The following SIRPB2 variants were observed in gnomAD, a reference collection of about 807,000 sequenced individuals.
SIRPB2 encodes the protein signal regulatory protein beta 2.
In SIRPB2, 18 loss-of-function variants were observed where a neutral mutation model predicts 27.1. That is an observed-to-expected ratio of 0.66 (90% confidence interval 0.46 to 0.98). The LOEUF (loss-of-function observed/expected upper bound fraction) is 0.98, where lower values mean the gene tolerates loss of function less well. Ranked by LOEUF, SIRPB2 falls within the 50% of genes least tolerant of loss-of-function variation. SIRPB2 has a pLI of 0.00. For missense variants in SIRPB2, 420 were observed against 417.4 expected, an observed-to-expected ratio of 1.01 and a Z score of -0.06; for synonymous variants, 150 against 164.6, an observed-to-expected ratio of 0.91 and a Z score of 0.68.
chr20:1,489,995 G>A (rs1262370768), intron 1 of SIRPB2, among the ~76,000 whole-genome samples: 1 of 152,172 alleles, frequency 6.6e-6, no homozygotes, highest in Non-Finnish European at 1.5e-5. Flanking sequence ...CCCTGACTCA[G>A]CTTGAGATGC....
intron 1 of SIRPB2, among the ~76,000 whole-genome samples, chr20:1,484,775 G>A (rs1309071905): frequency 6.6e-6 from 1 of 151,916 alleles, no homozygotes; most frequent in African/African-American, 2.4e-5. Flanking sequence ...TTTATACATG[G>A]TTGGTGGGAA....
Position 1,478,567 on chromosome 20 carries a change from G to T in SIRPB2, c.492C>A (p.Pro164=), listed in dbSNP as rs1249388705. 3.7e-6 allele frequency: 6 copies of T among 1,605,524 alleles called. No individual in the cohort carries two copies. The African/African-American group carries it at 8.0e-5, about 21-fold the overall frequency. The change falls in exon 3 of 5, where the codon CCC becomes CCA. Residue 164 remains proline (P), a synonymous_variant. Coordinates refer to ENST00000359801, the MANE Select transcript of SIRPB2 (RefSeq NM_001122962.2). ...DPEPDLWIIQ[P]QELVLGTTGD... ...CAGTGGTCCCCAACACCAATTCCTG[G>T]GGCTGGATGATCCACAGGTCTGGTT...
At chr20:1,480,655 T>G (rs1003402048) in intron 1 of SIRPB2, among the ~76,000 whole-genome samples, 1 of 152,166 alleles carries the variant, frequency 6.6e-6, no homozygotes, top group African/African-American at 2.4e-5. Flanking sequence ...TGGCCGTCTA[T>G]AGGCTGAGGA....
rs2123069280 is a variant in SIRPB2, at chr20:1,491,402, C to T, written c.-43G>A. 1.3e-6 allele frequency: 2 copies of T among 1,565,582 alleles called. No homozygotes were observed. Among genetic ancestry groups the T allele is most frequent in the African/African-American group, 1.4e-5 (1 of 72,968 alleles). ...CCAAGACTTGGGGCTCCTCTGCTCTCTTGTGAGTGTTGGAGTCTGAGGCGG... is the reference window on the plus strand; with the variant it reads ...CCAAGACTTGGGGCTCCTCTGCTCTTTTGTGAGTGTTGGAGTCTGAGGCGG... On this transcript the variant is annotated 5_prime_UTR_variant, in exon 1 of 5. Coordinates refer to ENST00000359801, the MANE Select transcript of SIRPB2 (RefSeq NM_001122962.2).
At chr20:1,481,407 C>T (rs2090669630) in intron 1 of SIRPB2, among the ~76,000 whole-genome samples, 2 of 152,138 alleles carry the variant, frequency 1.3e-5, no homozygotes, top group African/African-American at 2.4e-5. Flanking sequence ...GATATCGTGT[C>T]CAGGATTTGA....
chr20:1,477,273 C>G, intron 4 of SIRPB2, 65 bp downstream of exon 4: 1 of 1,614,140 alleles, frequency 6.2e-7, no homozygotes, highest in Non-Finnish European at 8.5e-7. Context: ...TTCCCATGAC[C>G]AAGCCATTCA....
At position 1,478,272 on chromosome 20, in the gene SIRPB2, C is replaced by CT; in HGVS notation, c.786dup (p.Val263SerfsTer16). 1 of 1,610,342 alleles carries CT rather than the reference C, an allele frequency of 6.2e-7. No homozygotes were observed. Among genetic ancestry groups the CT allele is most frequent in the Non-Finnish European group, 8.5e-7 (1 of 1,176,996 alleles). On this transcript the variant is annotated frameshift_variant, in exon 3 of 5. Coordinates refer to ENST00000359801, the MANE Select transcript of SIRPB2 (RefSeq NM_001122962.2). LOFTEE classifies it high-confidence loss of function. ...CCAAAACCAATTGTCTCACCTTTCA[C>CT]TTTCAGGCTGGTGCCCTGTCCAGAC...
At chr20:1,485,871 ATAT>A (rs1254379941) in intron 1 of SIRPB2, among the ~76,000 whole-genome samples, 2 of 152,116 alleles carry the variant, frequency 1.3e-5, no homozygotes, top group Non-Finnish European at 2.9e-5. Context: ...CAAGTCATAC[ATAT>A]TTGACAAATT....
intron 1 of SIRPB2, 88 bp downstream of exon 1, chr20:1,491,187 G>T: frequency 1.6e-6 from 2 of 1,230,652 alleles, no homozygotes; most frequent in East Asian, 2.6e-5. Flanking sequence ...ATGGGGTCAA[G>T]CTTCTTCAGG....
downstream of SIRPB2, chr20:1,473,909 T>A: frequency 2.2e-6 from 1 of 455,604 alleles, no homozygotes. Context: ...TTTCTCATAT[T>A]TCTGAAGTCC....
At position 1,477,393 on chromosome 20, in the gene SIRPB2, G is replaced by A; in HGVS notation, c.804C>T (p.Thr268=). 1 of 1,612,726 alleles carries A rather than the reference G, an allele frequency of 6.2e-7. No homozygotes were observed. Among genetic ancestry groups the A allele is most frequent in the East Asian group, 2.2e-5 (1 of 44,820 alleles). Residue 268 remains threonine (T), a synonymous_variant, in exon 4 of 5, where the codon ACC becomes ACT. Transcript: ENST00000359801. ...TGGTGAATTCTGCCTCTTTGGAAGAGGTAGATTTTGCTGCAAGGGAGAGAG... is the reference window on the plus strand; with the variant it reads ...TGGTGAATTCTGCCTCTTTGGAAGAAGTAGATTTTGCTGCAAGGGAGAGAG... ...GTSLKVKAKS[T]SSKEAEFTSE... is the part of the protein sequence containing the mutation.
chr20:1,490,847 T>A (rs2090770152), intron 1 of SIRPB2, among the ~76,000 whole-genome samples: 2 of 152,190 alleles, frequency 1.3e-5, no homozygotes, highest in African/African-American at 4.8e-5. Context: ...CTCAATACTT[T>A]TTGAACAAAA....
At chr20:1,488,647 CA>C (rs34434587) in intron 1 of SIRPB2, among the ~76,000 whole-genome samples, 119,555 of 148,400 alleles carry the variant, frequency 0.81, 48,954 homozygotes, top group Non-Finnish European at 0.86. Context: ...GACCCTGTCT[CA>C]AAAAAAAAAA....
rs2090616918 is a variant in SIRPB2 at position 1,477,341 on chromosome 20, T to C, written c.856A>G (p.Thr286Ala). Residue 286 changes from threonine to alanine, a missense_variant, in exon 4 of 5, where the codon ACA (threonine) becomes GCA (alanine). Physicochemically the swap from Thr to Ala is moderately conservative, Grantham distance 58 (BLOSUM62 0). Transcript: ENST00000359801. ...TSEPATEMSPTGLLVVFAPVV... is the reference protein window; with the variant it reads ...TSEPATEMSPAGLLVVFAPVV... Reference sequence around the variant, plus strand: ...CCACTGAGGTGGGTACGCTCACCTGTTGGAGACATCTCAGTTGCAGGTTCA... The same window carrying C: ...CCACTGAGGTGGGTACGCTCACCTGCTGGAGACATCTCAGTTGCAGGTTCA... The C allele has an allele frequency of 6.2e-7, 1 of 1,614,220 alleles. No individual in the cohort carries two copies. Among genetic ancestry groups the C allele is most frequent in the Non-Finnish European group, 8.5e-7 (1 of 1,180,030 alleles).
intron 1 of SIRPB2, among the ~76,000 whole-genome samples, chr20:1,485,257 A>G (rs1005389184): frequency 2.0e-5 from 3 of 152,214 alleles, no homozygotes; most frequent in African/African-American, 4.8e-5. Context: ...TGTTCCTAAC[A>G]CAGATAAATG....
Position 1,479,709 on chromosome 20 carries a change from G to C in SIRPB2, c.442C>G (p.Leu148Val). Residue 148 changes from leucine to valine, a missense_variant, in exon 2 of 5, where the codon CTT becomes GTT. Leu to Val is a conservative substitution (Grantham distance 32, BLOSUM62 1). Coordinates refer to ENST00000359801, the MANE Select transcript of SIRPB2 (RefSeq NM_001122962.2). ...EMKSDEGTSV[L>V]VKGAGDPEPD... ...AGGGCCTGATCCTTACCCTTCACAAGCACTGAGGTGCCTTCATCCGATTTC... is the reference window on the plus strand; with the variant it reads ...AGGGCCTGATCCTTACCCTTCACAACCACTGAGGTGCCTTCATCCGATTTC... 1 of 1,613,968 alleles carries C rather than the reference G, an allele frequency of 6.2e-7. No homozygotes were observed. The highest frequency in any genetic ancestry group is 8.5e-7 in the Non-Finnish European group (1 of 1,179,878).
At chr20:1,473,894 T>C (rs1223197403), downstream of SIRPB2, 2 of 455,872 alleles carry the variant, frequency 4.4e-6, no homozygotes, top group African/African-American at 4.0e-5. Flanking sequence ...ACAACAGAAA[T>C]TTATTTTCTC....
chr20:1,478,690 T>C, intron 2 of SIRPB2, 83 bp from the exon 3 acceptor site: 5 of 1,149,816 alleles, frequency 4.3e-6, no homozygotes, highest in Non-Finnish European at 6.0e-6. Flanking sequence ...TTTCCCTCCC[T>C]TCCTTCTTTC....
Position 1,490,949 on chromosome 20 carries a change from G to A in SIRPB2, c.85+326C>T, listed in dbSNP as rs112211154. ...ACTTTTCTATTTAATACTCACAGTA[G>A]CCCTAGAGAAAGGTCCCATGAGCGT... On this transcript the variant is annotated intron_variant, in intron 1 of 4. Transcript: ENST00000359801. Among the ~76,000 whole-genome samples the A allele has an allele frequency of 7.5e-3, 1,147 of 152,288 alleles. 16 individuals are homozygous for A. The highest frequency in any genetic ancestry group is 0.02 in the African/African-American group (829 of 41,540).
Sources: allele counts gnomAD v4.1 joint callset (sites outside exome capture counted in the v4.1 genomes callset), GRCh38; gene constraint gnomAD v4.1.1; transcripts MANE v1.5; gene names NCBI Gene and HGNC (gene_info 2026-07-23, HGNC 2026-07-21).